The following CD1B variants were observed in gnomAD, a reference collection of about 807,000 sequenced individuals.
The protein encoded by CD1B is CD1b molecule, also known as T-cell surface glycoprotein CD1b.
In CD1B, 43 loss-of-function variants were observed where a neutral mutation model predicts 39.8. The observed-to-expected ratio is 1.08, with a 90% CI of 0.85 to 1.39. The LOEUF is 1.39. CD1B is among the 40% of genes most tolerant of loss of function. The pLI is 0.00. For synonymous variants in CD1B, 192 were observed against 152.5 expected, an observed-to-expected ratio of 1.26 and a Z score of -1.91; for missense variants, 495 against 403.8, an observed-to-expected ratio of 1.23 and a Z score of -1.94.
At chr1:158,308,729 G>A in the CD1B span, among the ~76,000 whole-genome samples, 2 of 152,288 alleles carry the variant, frequency 1.3e-5, no homozygotes, top group East Asian at 1.9e-4. Flanking sequence ...CAGCAATGGG[G>A]AAAGGATTCC....
downstream of CD1B, among the ~76,000 whole-genome samples, chr1:158,323,243 T>C (rs1436123779): frequency 2.0e-5 from 3 of 147,402 alleles, no homozygotes; most frequent in African/African-American, 8.0e-5. Flanking sequence ...ATTTCACTGA[T>C]TTTTTTTTCT....
chr1:158,298,999 C>A, the CD1B span, among the ~76,000 whole-genome samples: 5 of 152,072 alleles, frequency 3.3e-5, no homozygotes, highest in Admixed American at 2.0e-4. Flanking sequence ...TAATTAAATA[C>A]CCTTTATTTC....
At chr1:158,318,001 A>T in the CD1B span, among the ~76,000 whole-genome samples, 1 of 152,166 alleles carries the variant, frequency 6.6e-6, no homozygotes, top group Non-Finnish European at 1.5e-5. Context: ...TCTGAGTTCT[A>T]ATTTGATTGC....
the CD1B span, chr1:158,292,397 T>C: frequency 6.3e-7 from 1 of 1,593,708 alleles, no homozygotes; most frequent in Admixed American, 1.7e-5. Context: ...CTCTAAGATT[T>C]TTCTATTCAA....
Position 158,328,200 on chromosome 1 carries a change from A to T in CD1B, c.*36T>A. On this transcript the variant is annotated 3_prime_UTR_variant, in exon 6 of 6. Coordinates refer to ENST00000368168, the MANE Select transcript of CD1B (RefSeq NM_001764.3). ...GGGCTGATATCTTGGGCTTCTTGGT[A>T]CTTATTGCGAATGGGAGAGGAGACA... The T allele has an allele frequency of 6.4e-7, 1 of 1,568,176 alleles. No homozygotes were observed.
At chr1:158,315,483 T>C in the CD1B span, among the ~76,000 whole-genome samples, 8 of 152,046 alleles carry the variant, frequency 5.3e-5, no homozygotes, top group African/African-American at 1.2e-4. Context: ...TCATGTCCTT[T>C]GCCCACTTTT....
At chr1:158,320,268 C>T in the CD1B span, among the ~76,000 whole-genome samples, 2 of 152,192 alleles carry the variant, frequency 1.3e-5, no homozygotes, top group Non-Finnish European at 2.9e-5. Flanking sequence ...TCACTGCCGC[C>T]TTGCAGTTTG....
At chr1:158,292,998 A>C in the CD1B span, 4 of 968,950 alleles carry the variant, frequency 4.1e-6, no homozygotes, top group Non-Finnish European at 6.1e-6. Context: ...GGTAATTTAA[A>C]GAATAGTGGA....
At chr1:158,327,248 G>T (rs1166673100), downstream of CD1B, among the ~76,000 whole-genome samples, 29 of 152,130 alleles carry the variant, frequency 1.9e-4, no homozygotes, top group Admixed American at 1.9e-3. Context: ...AGCATTGATT[G>T]GTGCATTTTA....
chr1:158,329,636 G>A lies in CD1B; in HGVS notation c.620C>T (p.Ala207Val), dbSNP rs372119438. The A allele has an allele frequency of 5.0e-6, 8 of 1,613,846 alleles. No homozygotes were observed. The East Asian group carries it at 6.7e-5, about 13-fold the overall frequency. Residue 207 changes from alanine (A) to valine (V), a missense_variant, in exon 4 of 6, where the codon GCC becomes GTC. By Grantham distance (64) the Ala-to-Val change is moderately conservative. Transcript: ENST00000368168. ...ADLQRQVKPEAWLSSGPSPGP... is the reference protein window; with the variant it reads ...ADLQRQVKPEVWLSSGPSPGP... ...AGGACTGGGGCCACTGGACAGCCAG[G>A]CCTCAGGCTTCACTAAGGCAGGAAG...
chr1:158,329,478 T>G lies in CD1B; in HGVS notation c.778A>C (p.Thr260Pro), dbSNP rs1233457165. The change falls in exon 4 of 6, where the codon ACA becomes CCA. Residue 260 changes from threonine (T) to proline (P), a missense_variant. Coordinates refer to ENST00000368168, the MANE Select transcript of CD1B (RefSeq NM_001764.3). ...TCCAGGGTTGCTCGGAGATACCATG[T>G]CCAGTTAGCATTGGGCAGGATGTCC... The part of the protein sequence containing the change: ...LGDILPNANW[T>P]WYLRATLDVA... 7 of 1,614,148 alleles carry G rather than the reference T, an allele frequency of 4.3e-6. No individual in the cohort carries two copies. The highest frequency in any genetic ancestry group is 5.9e-6 in the Non-Finnish European group (7 of 1,180,032).
intron 2 of CD1B, among the ~76,000 whole-genome samples, chr1:158,330,371 G>A (rs943169957): frequency 6.6e-6 from 1 of 152,110 alleles, no homozygotes; most frequent in African/African-American, 2.4e-5. Flanking sequence ...GGAGAGGTGA[G>A]GCAGAGCGTG....
At chr1:158,322,418 T>G in the CD1B span, among the ~76,000 whole-genome samples, 21,736 of 120,826 alleles carry the variant, frequency 0.18, 1,659 homozygotes, top group East Asian at 0.28. Flanking sequence ...TTTTTTTCTG[T>G]TTTTTTTTTT....
chr1:158,292,363 A>T, the CD1B span: 1 of 1,612,456 alleles, frequency 6.2e-7, no homozygotes, highest in Non-Finnish European at 8.5e-7. Flanking sequence ...GTACACAGGC[A>T]AGGTCAGTAG....
chr1:158,317,889 C>T, the CD1B span, among the ~76,000 whole-genome samples: 3 of 152,216 alleles, frequency 2.0e-5, no homozygotes, highest in African/African-American at 7.2e-5. Context: ...TTTCAAAGAA[C>T]ATCTTTATTT....
At chr1:158,311,380 T>A in the CD1B span, among the ~76,000 whole-genome samples, 2 of 152,174 alleles carry the variant, frequency 1.3e-5, no homozygotes, top group African/African-American at 4.8e-5. Context: ...ATAACTTACT[T>A]TTTTGCCATT....
chr1:158,323,708 A>G (rs1419118627), downstream of CD1B, among the ~76,000 whole-genome samples: 1 of 152,210 alleles, frequency 6.6e-6, no homozygotes, highest in Non-Finnish European at 1.5e-5. Context: ...GCACTAGAGG[A>G]AACTCTAAGC....
At chr1:158,303,254 GA>G in the CD1B span, among the ~76,000 whole-genome samples, 2 of 152,056 alleles carry the variant, frequency 1.3e-5, no homozygotes, top group African/African-American at 4.8e-5. Flanking sequence ...AAACCCTTAA[GA>G]AACTAGGCAT....
chr1:158,301,751 T>C, the CD1B span, among the ~76,000 whole-genome samples: 3 of 152,136 alleles, frequency 2.0e-5, no homozygotes, highest in East Asian at 1.9e-4. Context: ...GTGAGTCTGA[T>C]AATTATGTGT....
Sources: gnomAD v4.1 joint callset for allele counts (sites outside exome capture counted in the v4.1 genomes callset) on GRCh38, gnomAD v4.1.1 for gene constraint, MANE v1.5 for transcripts, NCBI Gene and HGNC (gene_info 2026-07-23, HGNC 2026-07-21) for gene names.